CTNNA3: variants seen among roughly 807,000 people sequenced by gnomAD.
CTNNA3 encodes catenin alpha 3.
CTNNA3 carries 76 observed loss-of-function variants against 95.7 expected under a neutral mutation model. That is an observed-to-expected ratio of 0.79 (90% CI 0.66 to 0.96). The LOEUF is 0.96. Ranked by LOEUF, CTNNA3 falls within the 40% of genes least tolerant of loss-of-function variation. The pLI, the probability that CTNNA3 is intolerant of heterozygous loss-of-function variation, is 0.00. For missense variants in CTNNA3, 1,191 were observed against 1,089.8 expected (o/e 1.09, Z -1.31); for synonymous variants, 431 against 374.4 (o/e 1.15, Z -1.74).
intron 5 of CTNNA3, among the ~76,000 whole-genome samples, chr10:67,230,893 T>A (rs80237135): frequency 6.6e-6 from 1 of 152,134 alleles, no homozygotes; most frequent in Non-Finnish European, 1.5e-5. Context: ...TTCCCTTTCC[T>A]AGTCAAAGAG....
chr10:67,399,601 C>A (rs1300285864), intron 5 of CTNNA3, among the ~76,000 whole-genome samples: 1 of 152,092 alleles, frequency 6.6e-6, no homozygotes, highest in Non-Finnish European at 1.5e-5. Flanking sequence ...AGGTAGAACA[C>A]CCTCCATTTC....
intron 13 of CTNNA3, among the ~76,000 whole-genome samples, chr10:66,179,947 G>A (rs901858367): frequency 6.6e-6 from 1 of 152,064 alleles, no homozygotes; most frequent in Non-Finnish European, 1.5e-5. Context: ...AAGAGTATGG[G>A]TTGAATAGTA....
At chr10:66,557,840 AT>A (rs541655596) in intron 10 of CTNNA3, among the ~76,000 whole-genome samples, 3 of 151,966 alleles carry the variant, frequency 2.0e-5, no homozygotes, top group Admixed American at 6.6e-5. Context: ...GATTAAAAAT[AT>A]TTTTTACATC....
At chr10:66,638,716 C>T (rs1845417761) in intron 9 of CTNNA3, among the ~76,000 whole-genome samples, 1 of 152,104 alleles carries the variant, frequency 6.6e-6, no homozygotes, top group Non-Finnish European at 1.5e-5. Context: ...CTGGTACTTT[C>T]TGGTATCTCC....
At chr10:66,934,567 T>G (rs889739983) in intron 7 of CTNNA3, among the ~76,000 whole-genome samples, 1 of 152,080 alleles carries the variant, frequency 6.6e-6, no homozygotes, top group African/African-American at 2.4e-5. Context: ...GATTTGCAAT[T>G]GAAAAAACAG....
At chr10:66,335,852 T>C (rs1589107300) in intron 12 of CTNNA3, among the ~76,000 whole-genome samples, 1 of 152,076 alleles carries the variant, frequency 6.6e-6, no homozygotes, top group Non-Finnish European at 1.5e-5. Flanking sequence ...GGCAGGCAGG[T>C]CTCCTTGAGC....
chr10:67,336,096 T>C (rs1248690762), intron 5 of CTNNA3, among the ~76,000 whole-genome samples: 1 of 152,190 alleles, frequency 6.6e-6, no homozygotes, highest in African/African-American at 2.4e-5. Context: ...ACAGCACCCA[T>C]AAAAGAAAGT....
Position 66,178,124 on chromosome 10 carries a change from C to T in CTNNA3, c.1885-74875G>A, listed in dbSNP as rs140708099. ...ACCTGATTTTGAATCCTTTTTTCAA[C>T]TTTTCCAGTTATGCATGAAGACATC... On this transcript the variant is annotated intron_variant, in intron 13 of 17. Transcript: ENST00000433211. 2.6e-4 allele frequency among the ~76,000 whole-genome samples: 39 copies of T among 151,380 alleles called. 1 individual carries two copies. The highest frequency in any genetic ancestry group is 1.9e-4 in the East Asian group (1 of 5,150).
chr10:66,784,262 A>C lies in CTNNA3; in HGVS notation c.1048-8738T>G, dbSNP rs576644153. On this transcript the variant is annotated intron_variant, in intron 7 of 17. Transcript: ENST00000433211. ...GTGAGAAAGTTAAATTAAAGCCTCC[A>C]CTTTAAAGAAACTTGGCATATAAAA... 6.3e-4 allele frequency among the ~76,000 whole-genome samples: 96 copies of C among 152,270 alleles called. 1 individual carries two copies. Among genetic ancestry groups the C allele is most frequent in the Non-Finnish European group, 1.8e-4 (12 of 68,000 alleles).
At chr10:66,481,518 C>G (rs1839531051) in intron 11 of CTNNA3, among the ~76,000 whole-genome samples, 1 of 104,700 alleles carries the variant, frequency 9.6e-6, no homozygotes. Flanking sequence ...GTCGCCCAGG[C>G]TGGACTGCAG....
chr10:66,000,186 T>A (rs1173226596), intron 15 of CTNNA3, among the ~76,000 whole-genome samples: 1 of 152,122 alleles, frequency 6.6e-6, no homozygotes, highest in African/African-American at 2.4e-5. Flanking sequence ...TTCAGATAAG[T>A]GAAAGGAATA....
intron 12 of CTNNA3, among the ~76,000 whole-genome samples, chr10:66,312,554 G>GT (rs36125139): frequency 0.013 from 1,901 of 145,704 alleles, 33 homozygotes; most frequent in African/African-American, 0.041. Flanking sequence ...ATTGCAGATT[G>GT]TTTTTTTTTT....
At chr10:66,595,728 C>T (rs941160890) in intron 10 of CTNNA3, among the ~76,000 whole-genome samples, 2 of 152,122 alleles carry the variant, frequency 1.3e-5, no homozygotes, top group African/African-American at 2.4e-5. Flanking sequence ...CCTCAAACTC[C>T]TGGGCTCAAA....
At chr10:67,231,880 C>G (rs1865229402) in intron 5 of CTNNA3, among the ~76,000 whole-genome samples, 1 of 152,046 alleles carries the variant, frequency 6.6e-6, no homozygotes, top group Non-Finnish European at 1.5e-5. Context: ...GCCTCAGGAG[C>G]CGATGCGATC....
At chr10:66,117,326 T>C (rs1035777312) in intron 13 of CTNNA3, among the ~76,000 whole-genome samples, 4 of 152,136 alleles carry the variant, frequency 2.6e-5, no homozygotes, top group Admixed American at 6.5e-5. Flanking sequence ...TAGTGTAACA[T>C]TGTTTGGCAA....
intron 16 of CTNNA3, among the ~76,000 whole-genome samples, chr10:65,981,047 C>T (rs982287985): frequency 6.6e-6 from 1 of 151,994 alleles, no homozygotes; most frequent in African/African-American, 2.4e-5. Flanking sequence ...AAGAGGAAGT[C>T]AAACTGTTGC....
Position 66,480,420 on chromosome 10 carries a change from C to T in CTNNA3, c.1531+40197G>A, listed in dbSNP as rs765306626. Among the ~76,000 whole-genome samples, 26 of 152,094 alleles carry T rather than the reference C, an allele frequency of 1.7e-4. 2 individuals are homozygous for T. Among genetic ancestry groups the T allele is most frequent in the Admixed American group, 1.6e-3 (25 of 15,266 alleles). ...CATGTATTTCTGTGTCAGTGTATTT[C>T]TTTCAGTACTTTTCATTTGCTCTTT... is the stretch of plus-strand genomic sequence containing the variant. On this transcript the variant is annotated intron_variant, in intron 11 of 17. Coordinates refer to ENST00000433211, the MANE Select transcript of CTNNA3 (RefSeq NM_013266.4).
rs111704501 is a variant in CTNNA3, at chr10:66,358,359, A to C, written c.1732+20793T>G. Among the ~76,000 whole-genome samples, 550 of 152,232 alleles carry C rather than the reference A, an allele frequency of 3.6e-3. 5 individuals are homozygous for C. Among genetic ancestry groups the C allele is most frequent in the African/African-American group, 0.012 (518 of 41,536 alleles). ...TAAGCCAGGAAATATGGGGAAAAAAAGGGGAGTCCAGGGAACATATTATTG... is the reference window on the plus strand; with the variant it reads ...TAAGCCAGGAAATATGGGGAAAAAACGGGGAGTCCAGGGAACATATTATTG... On this transcript the variant is annotated intron_variant, in intron 12 of 17. Coordinates refer to ENST00000433211, the MANE Select transcript of CTNNA3 (RefSeq NM_013266.4).
chr10:67,648,054 G>A (rs999191043), intron 1 of CTNNA3, among the ~76,000 whole-genome samples: 2 of 152,114 alleles, frequency 1.3e-5, no homozygotes, highest in Admixed American at 6.6e-5. Context: ...TACCTTCTTG[G>A]ACAGGAAAAG....
Sources: gnomAD v4.1 joint callset for allele counts (sites outside exome capture counted in the v4.1 genomes callset) on GRCh38, gnomAD v4.1.1 for gene constraint, MANE v1.5 for transcripts, NCBI Gene and HGNC (gene_info 2026-07-23, HGNC 2026-07-21) for gene names.